Variants in TUBGCP4 observed in about 807,000 individuals in gnomAD.
The protein encoded by TUBGCP4 is tubulin gamma complex component 4, also known as gamma-tubulin complex component 4.
A neutral mutation model predicts 91.6 loss-of-function variants in TUBGCP4; 54 were observed. That is an observed-to-expected ratio of 0.59 (90% confidence interval 0.47 to 0.74). The LOEUF is 0.74. Among genes scored for constraint, TUBGCP4 ranks in the 30% least tolerant of loss-of-function variants. The pLI is 0.00. For missense variants in TUBGCP4, 593 were observed against 800.9 expected (o/e 0.74, Z 3.13); for synonymous variants, 297 against 302.8 (o/e 0.98, Z 0.20).
At chr15:43,400,409 T>A (rs1023654298) in intron 14 of TUBGCP4, among the ~76,000 whole-genome samples, 188 bp downstream of exon 14, 2 of 152,170 alleles carry the variant, frequency 1.3e-5, no homozygotes, top group African/African-American at 2.4e-5. Flanking sequence ...TATTTTATTA[T>A]TTTTTAGAGA....
chr15:43,396,034 G>C (rs988567901), intron 11 of TUBGCP4, among the ~76,000 whole-genome samples: 1 of 152,144 alleles, frequency 6.6e-6, no homozygotes, highest in African/African-American at 2.4e-5. Context: ...AAACTCACCC[G>C]AACTAGCCTA....
rs7171038 is a variant in TUBGCP4 at position 43,404,895 on chromosome 15, C to T, written c.1989-307C>T. The T allele has an allele frequency of 8.1e-3, 3,985 of 491,980 alleles. 114 individuals carry two copies. Among genetic ancestry groups the T allele is most frequent in the African/African-American group, 0.068 (3,510 of 51,386 alleles). 30.5% of individuals were successfully genotyped at this position (491,980 alleles called of 1,614,324 possible). A position where few individuals can be genotyped will look rare whatever the true frequency, so the allele number is the denominator to read the frequency against. On this transcript the variant is annotated intron_variant, in intron 17 of 17. Coordinates refer to ENST00000564079, the MANE Select transcript of TUBGCP4 (RefSeq NM_014444.5). ...CCCCGCCTTGCTGGTCCCTAGCTTC[C>T]GCATCTGTGAAAGGAGGCGACCACC... is the stretch of plus-strand genomic sequence containing the variant.
intron 5 of TUBGCP4, among the ~76,000 whole-genome samples, chr15:43,378,397 G>C (rs991549909): frequency 6.6e-6 from 1 of 152,214 alleles, no homozygotes; most frequent in Non-Finnish European, 1.5e-5. Context: ...TTTCTGGGCA[G>C]AGTTAATAAG....
intron 7 of TUBGCP4, among the ~76,000 whole-genome samples, chr15:43,384,134 C>T (rs1335684707): frequency 6.6e-6 from 1 of 152,110 alleles, no homozygotes; most frequent in Non-Finnish European, 1.5e-5. Context: ...TGATTAGACT[C>T]CTCAAAGTTC....
chr15:43,371,392 C>T lies in TUBGCP4; in HGVS notation c.38C>T (p.Pro13Leu). The change falls in exon 1 of 18, where the codon CCT becomes CTT. Residue 13 changes from proline (P) to leucine (L), a missense_variant. Coordinates refer to ENST00000564079, the MANE Select transcript of TUBGCP4 (RefSeq NM_014444.5). ...CTGCTCTTGGCTCTGAGCGGGTACC[C>T]TGGGTCCATTTTCACCTGGAACAAG... ...HELLLALSGY[P>L]GSIFTWNKRS... is the part of the protein sequence containing the mutation. 1 of 1,614,114 alleles carries T rather than the reference C, an allele frequency of 6.2e-7. No homozygotes were observed. Among genetic ancestry groups the T allele is most frequent in the Non-Finnish European group, 8.5e-7 (1 of 1,180,000 alleles).
chr15:43,380,308 G>A, intron 6 of TUBGCP4, 145 bp downstream of exon 6: 1 of 736,734 alleles, frequency 1.4e-6, no homozygotes. Context: ...GAGCAGAGGA[G>A]CCCATGTAAC....
intron 1 of TUBGCP4, among the ~76,000 whole-genome samples, chr15:43,375,573 A>G (rs2044193378): frequency 6.6e-6 from 1 of 152,218 alleles, no homozygotes; most frequent in Admixed American, 6.5e-5. Context: ...GACACTAAAT[A>G]TATATGGCCA....
At chr15:43,381,139 G>C (rs553954309) in intron 6 of TUBGCP4, among the ~76,000 whole-genome samples, 1 of 152,046 alleles carries the variant, frequency 6.6e-6, no homozygotes, top group Non-Finnish European at 1.5e-5. Context: ...TCTAACCACT[G>C]CATGAGTAAA....
rs2045047980 is a variant in TUBGCP4 at position 43,409,701 on chromosome 15, T to C, written c.*4487T>C. 1.9e-6 allele frequency: 3 copies of C among 1,577,506 alleles called. No homozygotes were observed. Among genetic ancestry groups the C allele is most frequent in the African/African-American group, 2.8e-5 (2 of 72,602 alleles). ...AGCCAGCTCCTGCTCGAAGCTGGGA[T>C]TCTGTATACTGCTTGTTGAAAGGAG... On this transcript the variant is annotated 3_prime_UTR_variant, in exon 18 of 18. Transcript: ENST00000564079.
rs1173359521 is a variant in TUBGCP4, at chr15:43,405,569, A to C, written c.*355A>C. ...CGGTAAACAAACAATATAGAGCAGAAAGTTAAATATTTTATGGTTCATATG... is the reference window on the plus strand; with the variant it reads ...CGGTAAACAAACAATATAGAGCAGACAGTTAAATATTTTATGGTTCATATG... On this transcript the variant is annotated 3_prime_UTR_variant, in exon 18 of 18. Transcript: ENST00000564079. 1.2e-5 allele frequency: 3 copies of C among 244,106 alleles called. No individual in the cohort carries two copies. The highest frequency in any genetic ancestry group is 2.4e-5 in the Non-Finnish European group (3 of 126,794). 15.1% of individuals were successfully genotyped at this position (244,106 alleles called of 1,614,324 possible).
rs1243180770 is a variant in TUBGCP4 at position 43,395,623 on chromosome 15, T to G, written c.1106T>G (p.Phe369Cys). 1.9e-6 allele frequency: 3 copies of G among 1,614,138 alleles called. No homozygotes were observed. The South Asian group carries it at 3.3e-5, about 18-fold the overall frequency. ...TACCTTCTGGGACGTGGAGAACTGT[T>G]TCAGGCCTTCATTGACACAGCTCAA... ...DFYLLGRGEL[F>C]QAFIDTAQHM... Residue 369 changes from phenylalanine (F) to cysteine (C), a missense_variant, in exon 11 of 18, where the codon TTT (phenylalanine) becomes TGT (cysteine). Physicochemically the swap from Phe to Cys is radical, Grantham distance 205 (BLOSUM62 -2). Transcript: ENST00000564079.
intron 9 of TUBGCP4, chr15:43,393,977 T>C (rs2044533978): frequency 6.6e-6 from 1 of 152,176 alleles, no homozygotes; most frequent in Admixed American, 6.5e-5. Flanking sequence ...TCTTTGCCTA[T>C]TTTATACTGG....
chr15:43,402,160 T>C (rs2044696852), intron 15 of TUBGCP4: 1 of 228,148 alleles, frequency 4.4e-6, no homozygotes, highest in Non-Finnish European at 8.7e-6. Context: ...GCGCCTGTAA[T>C]CCCAGCTACT....
chr15:43,407,729 T>G lies in TUBGCP4; in HGVS notation c.*2515T>G. The G allele has an allele frequency of 1.2e-6, 1 of 806,370 alleles. No homozygotes were observed. Among genetic ancestry groups the G allele is most frequent in the East Asian group, 2.7e-5 (1 of 37,330 alleles). The allele number at this position is 806,370 out of a possible 1,614,324, so 50.0% of individuals were successfully genotyped here. A position where few individuals can be genotyped will look rare whatever the true frequency, so the allele number is the denominator to read the frequency against. On this transcript the variant is annotated 3_prime_UTR_variant, in exon 18 of 18. Coordinates refer to ENST00000564079, the MANE Select transcript of TUBGCP4 (RefSeq NM_014444.5). ...CTGATCATGACCAAAGGCAGAGTTA[T>G]AATCACTATGTGCTGACCTTGTAGA...
Position 43,406,878 on chromosome 15 carries a change from C to T in TUBGCP4, c.*1664C>T, listed in dbSNP as rs2044911014. 1 of 288,330 alleles carries T rather than the reference C, an allele frequency of 3.5e-6. No individual in the cohort carries two copies. Among genetic ancestry groups the T allele is most frequent in the Non-Finnish European group, 6.8e-6 (1 of 147,136 alleles). 17.9% of individuals were successfully genotyped at this position (288,330 alleles called of 1,614,324 possible). A position where few individuals can be genotyped will look rare whatever the true frequency, so the allele number is the denominator to read the frequency against. ...AGCTCTAAGAGTTGGGGAGTACCCA[C>T]AGGTGAGCTGTGATCTCAGCTCAGA... On this transcript the variant is annotated 3_prime_UTR_variant, in exon 18 of 18. Coordinates refer to ENST00000564079, the MANE Select transcript of TUBGCP4 (RefSeq NM_014444.5).
intron 10 of TUBGCP4, 93 bp downstream of exon 10, chr15:43,395,250 C>G (rs2044561995): frequency 7.4e-7 from 1 of 1,358,494 alleles, no homozygotes; most frequent in Non-Finnish European, 1.1e-6. Flanking sequence ...TTGCCTATAC[C>G]CAGACTTCCA....
At chr15:43,375,413 G>A (rs1003107372) in intron 1 of TUBGCP4, among the ~76,000 whole-genome samples, 4 of 152,096 alleles carry the variant, frequency 2.6e-5, no homozygotes, top group Non-Finnish European at 5.9e-5. Flanking sequence ...TTTATTATAC[G>A]TATTTTACCA....
chr15:43,407,241 T>G lies in TUBGCP4; in HGVS notation c.*2027T>G. The G allele has an allele frequency of 1.4e-6, 1 of 704,002 alleles. No individual in the cohort carries two copies. Among genetic ancestry groups the G allele is most frequent in the Non-Finnish European group, 2.3e-6 (1 of 429,514 alleles). 43.6% of individuals were successfully genotyped at this position (704,002 alleles called of 1,614,324 possible). A position where few individuals can be genotyped will look rare whatever the true frequency, so the allele number is the denominator to read the frequency against. ...ACTACAACCAAAGAGATTCAACATT[T>G]ATTTTATCATAAAAGTTCAGCAAAT... On this transcript the variant is annotated 3_prime_UTR_variant, in exon 18 of 18. Coordinates refer to ENST00000564079, the MANE Select transcript of TUBGCP4 (RefSeq NM_014444.5).
chr15:43,378,007 T>G, intron 5 of TUBGCP4, 104 bp downstream of exon 5: 1 of 855,512 alleles, frequency 1.2e-6, no homozygotes, highest in East Asian at 2.7e-5. Flanking sequence ...TTTAGTAGTT[T>G]TTATTTATTC....
Sources: allele counts gnomAD v4.1 joint callset (sites outside exome capture counted in the v4.1 genomes callset), GRCh38; gene constraint gnomAD v4.1.1; transcripts MANE v1.5; gene names NCBI Gene and HGNC (gene_info 2026-07-23, HGNC 2026-07-21).